The following KDM4A variants were observed in gnomAD, a reference collection of about 807,000 sequenced individuals.
The protein encoded by KDM4A is lysine demethylase 4A.
A neutral mutation model predicts 127.1 loss-of-function variants in KDM4A; 23 were observed. That is an observed-to-expected ratio of 0.18 (90% CI 0.13 to 0.26). KDM4A has a LOEUF of 0.26. KDM4A is among the 10% of genes least tolerant of loss of function. KDM4A has a pLI of 1.00. For synonymous variants in KDM4A, 443 were observed against 466.5 expected (o/e 0.95, Z 0.65); for missense variants, 890 against 1,329.1 (o/e 0.67, Z 5.14).
At chr1:43,654,767 A>C (rs528690354) in intron 2 of KDM4A, among the ~76,000 whole-genome samples, 1 of 150,362 alleles carries the variant, frequency 6.7e-6, no homozygotes, top group African/African-American at 2.4e-5. Flanking sequence ...ACATAAAGTA[A>C]AACAATACTC....
At chr1:43,675,766 C>CA (rs371948553) in intron 11 of KDM4A, among the ~76,000 whole-genome samples, 1 of 152,232 alleles carries the variant, frequency 6.6e-6, no homozygotes, top group African/African-American at 2.4e-5. Flanking sequence ...TTTCATAATT[C>CA]ATTCTTTTAA....
chr1:43,664,250 A>G (rs914711505), intron 5 of KDM4A, among the ~76,000 whole-genome samples: 9 of 152,224 alleles, frequency 5.9e-5, no homozygotes, highest in African/African-American at 2.2e-4. Flanking sequence ...TTGGAACCAC[A>G]GACGCAGAGC....
At chr1:43,658,589 C>T (rs928371768) in intron 3 of KDM4A, among the ~76,000 whole-genome samples, 9 of 149,870 alleles carry the variant, frequency 6.0e-5, no homozygotes, top group South Asian at 2.1e-4. Flanking sequence ...CTGCAATCTC[C>T]GCCTCCTGGG....
Position 43,704,450 on chromosome 1 carries a change from T to C in KDM4A, c.*80T>C, listed in dbSNP as rs1661496159. The C allele has an allele frequency of 7.3e-7, 1 of 1,375,028 alleles. No homozygotes were observed. Among genetic ancestry groups the C allele is most frequent in the South Asian group, 1.3e-5 (1 of 75,300 alleles). 85.2% of individuals were successfully genotyped at this position (1,375,028 alleles called of 1,614,324 possible). ...CCACAGCACAGCAGACATGGAACGC[T>C]GAAGTCTCTGAAAGTGAAGTTGTAA... On this transcript the variant is annotated 3_prime_UTR_variant, in exon 22 of 22. Coordinates refer to ENST00000372396, the MANE Select transcript of KDM4A (RefSeq NM_014663.3).
rs1305129248 is a variant in KDM4A at position 43,683,718 on chromosome 1, A to G, written c.1769A>G (p.Asn590Ser). The G allele has an allele frequency of 3.1e-6, 5 of 1,613,942 alleles. No homozygotes were observed. Among genetic ancestry groups the G allele is most frequent in the Non-Finnish European group, 4.2e-6 (5 of 1,180,016 alleles). Residue 590 changes from asparagine (N) to serine (S), a missense_variant, in exon 12 of 22, where the codon AAT becomes AGT. Around this residue, in one of 7 missense-constraint regions of KDM4A, gnomAD observed 389 missense variants for 485.9 expected, o/e 0.80. Coordinates refer to ENST00000372396, the MANE Select transcript of KDM4A (RefSeq NM_014663.3). Reference sequence around the variant, plus strand: ...GAATACATGTTTTCCCTAGAAGAGAATAAGAAGTCCAAGGGACGCCGTCAG... The same window carrying G: ...GAATACATGTTTTCCCTAGAAGAGAGTAAGAAGTCCAAGGGACGCCGTCAG... The part of the protein sequence containing the change: ...ADEYMFSLEE[N>S]KKSKGRRQPL...
rs1415477398 is a variant in KDM4A at position 43,688,895 on chromosome 1, C to T, written c.1856-19C>T. 2 of 1,612,092 alleles carry T rather than the reference C, an allele frequency of 1.2e-6. No homozygotes were observed. The highest frequency in any genetic ancestry group is 1.3e-5 in the African/African-American group (1 of 74,978). On this transcript the variant is annotated intron_variant, in intron 12 of 21. Coordinates refer to ENST00000372396, the MANE Select transcript of KDM4A (RefSeq NM_014663.3). This position sits in a 1 kb window ranked among gnomAD's most constrained non-coding sequence, Gnocchi z 4.4. Reference sequence around the variant, plus strand: ...TGTGCAGGGTTAGTGCTGACTCACACTTCTGTTTCCTCCTCTAGAGACATC... The same window carrying T: ...TGTGCAGGGTTAGTGCTGACTCACATTTCTGTTTCCTCCTCTAGAGACATC...
At chr1:43,659,519 A>G (rs1660322496) in intron 3 of KDM4A, among the ~76,000 whole-genome samples, 1 of 152,004 alleles carries the variant, frequency 6.6e-6, no homozygotes, top group Non-Finnish European at 1.5e-5. Context: ...AGGTTTCACC[A>G]TGTTGGCCAG....
At chr1:43,674,755 C>T (rs528033335) in intron 11 of KDM4A, among the ~76,000 whole-genome samples, 5 of 151,904 alleles carry the variant, frequency 3.3e-5, no homozygotes, top group African/African-American at 9.7e-5. Flanking sequence ...CCTGAGTGCC[C>T]GCCTCAGCCT....
chr1:43,667,920 A>G lies in KDM4A; in HGVS notation c.1064A>G (p.Lys355Arg). The change falls in exon 9 of 22, where the codon AAG (lysine) becomes AGG (arginine). Residue 355 changes from lysine to arginine, a missense_variant. Lys to Arg is a conservative substitution (Grantham distance 26). This residue lies in a region of KDM4A where 389 missense variants were observed against 485.9 expected (regional missense o/e 0.80). Transcript: ENST00000372396. Reference sequence around the variant, plus strand: ...ACGCCAGAAGCAGCTGAGTTTCTTAAGGAGAGTGAACTGCCTCCAAGAGCT... The same window carrying G: ...ACGCCAGAAGCAGCTGAGTTTCTTAGGGAGAGTGAACTGCCTCCAAGAGCT... ...LPTPEAAEFL[K>R]ESELPPRAGN... 10 of 1,614,184 alleles carry G rather than the reference A, an allele frequency of 6.2e-6. No individual in the cohort carries two copies. The highest frequency in any genetic ancestry group is 8.5e-6 in the Non-Finnish European group (10 of 1,180,030).
At position 43,671,492 on chromosome 1, in the gene KDM4A, ATG is replaced by A; in HGVS notation, c.1364-7_1364-6del. The A allele has an allele frequency of 6.5e-7, 1 of 1,540,416 alleles. No individual in the cohort carries two copies. The highest frequency in any genetic ancestry group is 8.7e-7 in the Non-Finnish European group (1 of 1,144,986). ...AGGAACTTGGCTCTGTCTAATGTGT[ATG>A]TGTGTTTCAGATTATTCTGACTCCA... On this transcript the variant is annotated splice_polypyrimidine_tract_variant and intron_variant, in intron 10 of 21. Coordinates refer to ENST00000372396, the MANE Select transcript of KDM4A (RefSeq NM_014663.3).
chr1:43,679,275 G>A (rs1255171420), intron 11 of KDM4A, among the ~76,000 whole-genome samples: 2 of 152,126 alleles, frequency 1.3e-5, no homozygotes, highest in Admixed American at 6.5e-5. Flanking sequence ...TGAGTTACCA[G>A]CACGGTCCAG....
intron 8 of KDM4A, 129 bp downstream of exon 8, chr1:43,667,220 T>G: frequency 2.0e-6 from 2 of 984,990 alleles, no homozygotes; most frequent in South Asian, 3.1e-5. Context: ...TAGCAATGTG[T>G]CAGAGTACTA....
At chr1:43,698,270 G>C (rs367602079) in intron 19 of KDM4A, among the ~76,000 whole-genome samples, 1 of 152,182 alleles carries the variant, frequency 6.6e-6, no homozygotes, top group East Asian at 1.9e-4. Flanking sequence ...ATCTGTTGCC[G>C]TCTAAATTAT....
chr1:43,683,270 C>T (rs990629180), intron 11 of KDM4A, among the ~76,000 whole-genome samples: 1 of 152,238 alleles, frequency 6.6e-6, no homozygotes, highest in Non-Finnish European at 1.5e-5. Context: ...CTGCCTGGCA[C>T]ATTGTAACAG....
chr1:43,671,909 GCTGCCCTGGAGGACACC>G (rs368103707), intron 11 of KDM4A, 34 bp downstream of exon 11: 13 of 1,517,170 alleles, frequency 8.6e-6, no homozygotes, highest in African/African-American at 8.3e-5. Flanking sequence ...GGGGTGGGGA[GCTGCCCTGGAGGACACC>G]CTGTCGGGAG....
chr1:43,665,353 T>A (rs1184518016), intron 5 of KDM4A, among the ~76,000 whole-genome samples: 2 of 152,190 alleles, frequency 1.3e-5, no homozygotes, highest in Non-Finnish European at 2.9e-5. Flanking sequence ...TGAGGTTATA[T>A]AGTGACATCC....
intron 18 of KDM4A, 74 bp from the exon 19 acceptor site, chr1:43,697,769 A>C: frequency 7.4e-7 from 1 of 1,345,972 alleles, no homozygotes; most frequent in Non-Finnish European, 1.0e-6. Flanking sequence ...AGGAGGAACT[A>C]ATTGATCTTC....
At chr1:43,683,009 T>G (rs972102601) in intron 11 of KDM4A, among the ~76,000 whole-genome samples, 7 of 152,256 alleles carry the variant, frequency 4.6e-5, no homozygotes, top group East Asian at 3.8e-4. Flanking sequence ...CTAATTACAT[T>G]TGCTCTGACA....
intron 1 of KDM4A, chr1:43,650,739 CAGGGCAGGGGG>C (rs1366530431): frequency 1.3e-5 from 2 of 152,384 alleles, no homozygotes; most frequent in African/African-American, 2.4e-5. Context: ...AGCGACCCTG[CAGGGCAGGGGG>C]TTGGGATCCC....
Sources: allele counts gnomAD v4.1 joint callset (sites outside exome capture counted in the v4.1 genomes callset), GRCh38; gene constraint gnomAD v4.1.1; regional missense constraint gnomAD v4.1.1; non-coding constraint Gnocchi (gnomAD v3.1); transcripts MANE v1.5; gene names NCBI Gene and HGNC (gene_info 2026-07-23, HGNC 2026-07-21).